DNAH5: variants seen among roughly 807,000 people sequenced by gnomAD.
The protein encoded by DNAH5 is axonemal beta dynein heavy chain 5.
In DNAH5, 372 loss-of-function variants were observed where a neutral mutation model predicts 518.2. That is an observed-to-expected ratio of 0.72 (90% CI 0.66 to 0.78). The LOEUF is 0.78. Among genes scored for constraint, DNAH5 ranks in the 30% least tolerant of loss-of-function variants. The pLI is 0.00. For synonymous variants in DNAH5, 2,039 were observed against 2,025.9 expected (o/e 1.01, Z -0.17); for missense variants, 5,523 against 5,687.0 (o/e 0.97, Z 0.93).
At chr5:13,898,933 T>C in intron 15 of DNAH5, 1 of 231,582 alleles carries the variant, frequency 4.3e-6, no homozygotes, top group Non-Finnish European at 8.2e-6. Flanking sequence ...TTTGTTGTTT[T>C]TTGTTTGTTT....
intron 15 of DNAH5, chr5:13,898,882 T>C (rs1774233300): frequency 2.8e-6 from 1 of 354,074 alleles, no homozygotes. Context: ...TGGTGACCAG[T>C]CCCTCTCTCA....
At chr5:13,949,023 G>GAA (rs1218615814), upstream of DNAH5, among the ~76,000 whole-genome samples, 1 of 151,546 alleles carries the variant, frequency 6.6e-6, no homozygotes, top group African/African-American at 2.4e-5. Flanking sequence ...ACACCAGAAA[G>GAA]AAAAAAAACA....
intron 55 of DNAH5, 44 bp downstream of exon 55, chr5:13,776,395 C>A: frequency 1.2e-6 from 2 of 1,612,916 alleles, no homozygotes; most frequent in South Asian, 1.1e-5. Flanking sequence ...AACTAGAATC[C>A]TTGAACACAT....
At chr5:13,841,211 G>T in intron 33 of DNAH5, 81 bp from the exon 34 acceptor site, 1 of 1,125,472 alleles carries the variant, frequency 8.9e-7, no homozygotes, top group Non-Finnish European at 1.3e-6. Flanking sequence ...ATCAACAGCT[G>T]TGATTGTTAC....
At chr5:13,819,773 A>AT (rs1761974182) in intron 41 of DNAH5, among the ~76,000 whole-genome samples, 1 of 152,190 alleles carries the variant, frequency 6.6e-6, no homozygotes, top group African/African-American at 2.4e-5. Context: ...TGGAAATGAA[A>AT]TGCATTTATT....
rs113277167 is a variant in DNAH5 at position 13,916,250 on chromosome 5, C to T, written c.1197+98G>A. Reference sequence around the variant, plus strand: ...CCTTTTTAAAATTTTAAGATACATACATATTGAACTGAGCCAATGTGGTAA... The same window carrying T: ...CCTTTTTAAAATTTTAAGATACATATATATTGAACTGAGCCAATGTGGTAA... On this transcript the variant is annotated intron_variant, in intron 9 of 78. Transcript: ENST00000265104. 3.2e-4 allele frequency: 218 copies of T among 675,378 alleles called. 1 individual carries two copies. In the African/African-American group the frequency reaches 3.4e-3, roughly 10 times the overall value. The allele number at this position is 675,378 out of a possible 1,614,324, so 41.8% of individuals were successfully genotyped here.
intron 12 of DNAH5, among the ~76,000 whole-genome samples, chr5:13,904,271 T>C (rs1775014822): frequency 1.3e-5 from 2 of 150,830 alleles, no homozygotes; most frequent in African/African-American, 2.4e-5. Context: ...CAACAATCAA[T>C]GTAAATGGCT....
Position 13,735,213 on chromosome 5 carries a change from G to A in DNAH5, c.11679C>T (p.Phe3893=). The change falls in exon 68 of 79, where the codon TTC becomes TTT. Residue 3893 remains phenylalanine, a synonymous_variant. Transcript: ENST00000265104. ...TTAGGGTAAGCAACAAGGTGAACAG[G>A]AATTTGTGCTCCTCGTACAGCCCTC... The part of the protein sequence containing the change: ...AARGLYEEHK[F]LFTLLLTLKI... 1 of 1,614,076 alleles carries A rather than the reference G, an allele frequency of 6.2e-7. No homozygotes were observed. Among genetic ancestry groups the A allele is most frequent in the Non-Finnish European group, 8.5e-7 (1 of 1,179,996 alleles).
Position 13,793,742 on chromosome 5 carries a change from C to T in DNAH5, c.8011-14G>A. ...CTCATTCGTAACCTACAAAAGACAA[C>T]TTTCAGAATTAAAGCATCATTCCTT... On this transcript the variant is annotated splice_polypyrimidine_tract_variant and intron_variant, in intron 48 of 78. Coordinates refer to ENST00000265104, the MANE Select transcript of DNAH5 (RefSeq NM_001369.3). 6.2e-7 allele frequency: 1 copy of T among 1,612,088 alleles called. No homozygotes were observed. Among genetic ancestry groups the T allele is most frequent in the Non-Finnish European group, 8.5e-7 (1 of 1,178,524 alleles).
intron 1 of DNAH5, among the ~76,000 whole-genome samples, chr5:13,955,108 A>T (rs80106180): frequency 0.032 from 4,836 of 152,222 alleles, 258 homozygotes; most frequent in African/African-American, 0.11. Flanking sequence ...TGACTGGCTC[A>T]TGGGATAATT....
chr5:13,741,770 G>A (rs1447388523), intron 65 of DNAH5, among the ~76,000 whole-genome samples: 3 of 152,154 alleles, frequency 2.0e-5, no homozygotes, highest in Non-Finnish European at 4.4e-5. Flanking sequence ...AAGTAAAGCA[G>A]TAGAAAGAGT....
intron 76 of DNAH5, among the ~76,000 whole-genome samples, chr5:13,704,776 C>A (rs1742563806): frequency 6.6e-6 from 1 of 152,144 alleles, no homozygotes; most frequent in South Asian, 2.1e-4. Flanking sequence ...CACAGAAAGG[C>A]AAACACTACA....
upstream of DNAH5, among the ~76,000 whole-genome samples, chr5:13,945,956 C>A (rs978912464): frequency 2.0e-5 from 3 of 152,072 alleles, no homozygotes; most frequent in African/African-American, 7.2e-5. Context: ...CGGCTGTTGT[C>A]CGTTTCTAAT....
chr5:13,885,173 G>A lies in DNAH5; in HGVS notation c.2799C>T (p.Ala933=). The change falls in exon 19 of 79, where the codon GCC becomes GCT. Residue 933 remains alanine, a synonymous_variant. Transcript: ENST00000265104. ...DTLTSSINAR[A]NALLLTTVTR... ...TGACTGTCGTCAAAAGCAGGGCATT[G>A]GCCCTGGCATTAATAGATGATGTCA... The A allele has an allele frequency of 6.2e-7, 1 of 1,614,126 alleles. No individual in the cohort carries two copies. Among genetic ancestry groups the A allele is most frequent in the Non-Finnish European group, 8.5e-7 (1 of 1,179,982 alleles).
At chr5:13,750,436 C>T (rs1302968006) in intron 65 of DNAH5, among the ~76,000 whole-genome samples, 1 of 152,162 alleles carries the variant, frequency 6.6e-6, no homozygotes, top group Admixed American at 6.5e-5. Flanking sequence ...TTTCATTGAG[C>T]ATTAAGTTAT....
At chr5:14,003,745 A>G (rs912804132) in intron 1 of DNAH5, among the ~76,000 whole-genome samples, 1 of 152,244 alleles carries the variant, frequency 6.6e-6, no homozygotes, top group African/African-American at 2.4e-5. Flanking sequence ...GATGCGGCCA[A>G]GCCTTGCTCT....
intron 65 of DNAH5, among the ~76,000 whole-genome samples, chr5:13,747,194 C>T (rs1007663952): frequency 6.6e-6 from 1 of 152,118 alleles, no homozygotes; most frequent in Admixed American, 6.6e-5. Flanking sequence ...CAGCTTCATC[C>T]ATGTCCCTAC....
intron 1 of DNAH5, among the ~76,000 whole-genome samples, chr5:13,975,821 G>T (rs76738155): frequency 0.073 from 11,126 of 152,188 alleles, 490 homozygotes; most frequent in East Asian, 0.12. Flanking sequence ...TGCATTTAGG[G>T]TTCCATATAT....
In DNAH5 at chr5:13,811,636, G is replaced by C; in HGVS notation, c.7407+11C>G. 1 of 1,613,538 alleles carries C rather than the reference G, an allele frequency of 6.2e-7. No homozygotes were observed. The highest frequency in any genetic ancestry group is 8.5e-7 in the Non-Finnish European group (1 of 1,179,554). On this transcript the variant is annotated intron_variant, in intron 44 of 78. Transcript: ENST00000265104. The stretch of plus-strand genomic sequence containing the variant: ...TAAGAGAGAATTTCTCTAGAAAGTT[G>C]AGCAATTTACCTTCAGAGGAATCAG...
Sources: allele counts gnomAD v4.1 joint callset (sites outside exome capture counted in the v4.1 genomes callset), GRCh38; gene constraint gnomAD v4.1.1; transcripts MANE v1.5; gene names NCBI Gene and HGNC (gene_info 2026-07-23, HGNC 2026-07-21).